The following TRPM3 variants were observed in gnomAD, a reference collection of about 807,000 sequenced individuals.
TRPM3 encodes transient receptor potential cation channel subfamily M member 3.
TRPM3 carries 77 observed loss-of-function variants against 181.2 expected under a neutral mutation model. The ratio of observed to expected loss-of-function variants is 0.42; its 90% CI spans 0.35 to 0.51. TRPM3 has a LOEUF of 0.51. TRPM3 is among the 20% of genes least tolerant of loss of function. The pLI, the probability that TRPM3 is intolerant of heterozygous loss-of-function variation, is 0.01. For missense variants in TRPM3, 1,759 were observed against 2,196.7 expected (o/e 0.80, Z 3.98); for synonymous variants, 745 against 796.4 (o/e 0.94, Z 1.09).
chr9:70,600,108 G>A (rs764236872), intron 20 of TRPM3, among the ~76,000 whole-genome samples: 5 of 152,136 alleles, frequency 3.3e-5, no homozygotes, highest in Non-Finnish European at 7.4e-5. Context: ...CCACACATGG[G>A]TCTATGAAAT....
rs909389385 is a variant in TRPM3, at chr9:70,842,896, G to A, written c.801+107C>T. 3.6e-5 allele frequency: 40 copies of A among 1,105,306 alleles called. No homozygotes were observed. In the Admixed American group the frequency reaches 8.5e-4, roughly 23 times the overall value. 68.5% of individuals were successfully genotyped at this position (1,105,306 alleles called of 1,614,324 possible). On this transcript the variant is annotated intron_variant, in intron 5 of 25. Coordinates refer to ENST00000677713, the MANE Select transcript of TRPM3 (RefSeq NM_001366145.2). ...AACATGTTTCATTTTAGTGAGTAGA[G>A]ACCCAAAGAATACTATAATGTGCAC...
intron 1 of TRPM3, among the ~76,000 whole-genome samples, chr9:70,998,615 T>G (rs1464587918): frequency 6.6e-6 from 1 of 152,208 alleles, no homozygotes; most frequent in African/African-American, 2.4e-5. Context: ...AGGGTAGTTT[T>G]ACTGCCTTAA....
At chr9:70,910,567 T>C (rs2096527771) in intron 1 of TRPM3, among the ~76,000 whole-genome samples, 2 of 152,192 alleles carry the variant, frequency 1.3e-5, no homozygotes. Flanking sequence ...AGAATAAAAC[T>C]TGGTAAATAT....
chr9:70,744,059 C>A (rs2074665620), intron 8 of TRPM3, among the ~76,000 whole-genome samples: 1 of 152,006 alleles, frequency 6.6e-6, no homozygotes, highest in East Asian at 1.9e-4. Context: ...GGGCCGGGCA[C>A]AGTGGCTCAC....
chr9:71,390,670 C>A (rs887063142), intron 1 of TRPM3, among the ~76,000 whole-genome samples: 2 of 151,988 alleles, frequency 1.3e-5, no homozygotes, highest in African/African-American at 2.4e-5. Flanking sequence ...AACTGTCAAT[C>A]ATTGATTCTC....
At chr9:71,389,067 G>C (rs953118841) in intron 1 of TRPM3, among the ~76,000 whole-genome samples, 1 of 151,952 alleles carries the variant, frequency 6.6e-6, no homozygotes, top group Admixed American at 6.6e-5. Context: ...TTATTTAGAA[G>C]AAAATCTTCA....
intron 6 of TRPM3, among the ~76,000 whole-genome samples, chr9:70,823,008 C>A (rs75678448): frequency 3.5e-4 from 53 of 152,268 alleles, no homozygotes; most frequent in African/African-American, 1.2e-3. Flanking sequence ...GCTTCTCCAG[C>A]ATCTCTGGCA....
At chr9:71,375,007 G>A (rs1180900087) in intron 1 of TRPM3, among the ~76,000 whole-genome samples, 1 of 152,102 alleles carries the variant, frequency 6.6e-6, no homozygotes, top group Admixed American at 6.6e-5. Flanking sequence ...AATGGATATG[G>A]CCATACTGCC....
At chr9:71,253,476 C>T (rs2082479622) in intron 1 of TRPM3, among the ~76,000 whole-genome samples, 2 of 152,112 alleles carry the variant, frequency 1.3e-5, no homozygotes, top group East Asian at 1.9e-4. Context: ...AGGACAGCCA[C>T]TTATAAGCAT....
At chr9:71,275,052 C>T (rs1504381) in intron 1 of TRPM3, among the ~76,000 whole-genome samples, 76,603 of 151,672 alleles carry the variant, frequency 0.51, 19,406 homozygotes, top group African/African-American at 0.56. Context: ...TCCTAGCCAA[C>T]ATAGTAAGGC....
intron 1 of TRPM3, among the ~76,000 whole-genome samples, chr9:71,059,960 G>A (rs114614733): frequency 1.2e-3 from 186 of 152,146 alleles, no homozygotes; most frequent in African/African-American, 4.1e-3. Context: ...TATGAGGAGT[G>A]GTTGAAGATG....
rs77300222 is a variant in TRPM3, at chr9:71,101,310, G to A, written c.177+19868C>T. 4.9e-3 allele frequency among the ~76,000 whole-genome samples: 739 copies of A among 152,130 alleles called. 19 individuals carry two copies. The East Asian group carries it at 0.077, about 16-fold the overall frequency. ...ACCCACAATACCTCCACAGTCAGTC[G>A]CTCTTGATCAAACAAATCACTCAAC... On this transcript the variant is annotated intron_variant, in intron 1 of 25. Coordinates refer to ENST00000677713, the MANE Select transcript of TRPM3 (RefSeq NM_001366145.2).
intron 7 of TRPM3, among the ~76,000 whole-genome samples, chr9:70,781,417 A>C (rs912045412): frequency 6.6e-6 from 1 of 151,866 alleles, no homozygotes; most frequent in Non-Finnish European, 1.5e-5. Context: ...GAAAAGGGAA[A>C]GAATCCCCAT....
intron 22 of TRPM3, among the ~76,000 whole-genome samples, chr9:70,571,282 C>G (rs1246666045): frequency 6.6e-6 from 1 of 152,124 alleles, no homozygotes; most frequent in African/African-American, 2.4e-5. Context: ...CCCTGGGCCT[C>G]AGTTTCTTCA....
At chr9:70,851,242 C>T (rs2095217949) in intron 3 of TRPM3, among the ~76,000 whole-genome samples, 1 of 152,172 alleles carries the variant, frequency 6.6e-6, no homozygotes, top group Non-Finnish European at 1.5e-5. Context: ...GTGCACCAGG[C>T]ACATACATGC....
In TRPM3 at chr9:70,739,598, A is replaced by AT. The variant is rs533136568; in HGVS notation, c.1272+22002dup. On this transcript the variant is annotated intron_variant, in intron 8 of 25. Transcript: ENST00000677713. ...AAGGATGCCCACTTTTTTATTATTT[A>AT]TTTTTTTTTTTGAGTCAAGGTCTCA... Among the ~76,000 whole-genome samples, 166 of 147,876 alleles carry AT rather than the reference A, an allele frequency of 1.1e-3. 1 individual carries two copies. The highest frequency in any genetic ancestry group is 4.5e-3 in the East Asian group (23 of 5,058).
chr9:70,686,601 C>CTCTCTTT (rs2066854642), intron 8 of TRPM3, among the ~76,000 whole-genome samples: 1 of 93,030 alleles, frequency 1.1e-5, no homozygotes, highest in Non-Finnish European at 2.2e-5. Flanking sequence ...TCCCTCCCTC[C>CTCTCTTT]CTCCCTCCCG....
chr9:71,364,572 C>G (rs1293160139), intron 1 of TRPM3, among the ~76,000 whole-genome samples: 1 of 152,164 alleles, frequency 6.6e-6, no homozygotes, highest in Non-Finnish European at 1.5e-5. Flanking sequence ...AATCATAAAT[C>G]CTCTTAGAAT....
intron 1 of TRPM3, among the ~76,000 whole-genome samples, chr9:71,107,545 G>C (rs1565211086): frequency 6.6e-6 from 1 of 152,072 alleles, no homozygotes; most frequent in Non-Finnish European, 1.5e-5. Context: ...TTTCGTCTTT[G>C]AATTTCTAAT....
Sources: gnomAD v4.1 joint callset for allele counts (sites outside exome capture counted in the v4.1 genomes callset) on GRCh38, gnomAD v4.1.1 for gene constraint, MANE v1.5 for transcripts, NCBI Gene and HGNC (gene_info 2026-07-23, HGNC 2026-07-21) for gene names.